Variants in ARB2A observed in about 807,000 individuals in gnomAD.
The protein encoded by ARB2A is cotranscriptional regulator ARB2A.
At chr5:93,671,973 T>C in the ARB2A span, among the ~76,000 whole-genome samples, 1 of 152,154 alleles carries the variant, frequency 6.6e-6, no homozygotes. Context: ...TCTAAGGAGA[T>C]AGTAACTTTG....
At chr5:93,641,033 C>A in the ARB2A span, among the ~76,000 whole-genome samples, 1 of 151,868 alleles carries the variant, frequency 6.6e-6, no homozygotes, top group Admixed American at 6.6e-5. Context: ...AACCCCATCT[C>A]TACTAAAAAT....
chr5:94,049,092 A>C, the ARB2A span, among the ~76,000 whole-genome samples: 1 of 152,228 alleles, frequency 6.6e-6, no homozygotes, highest in Non-Finnish European at 1.5e-5. Flanking sequence ...AAAGTAATGT[A>C]GCTATCTAGT....
the ARB2A span, among the ~76,000 whole-genome samples, chr5:94,069,465 G>A: frequency 1.3e-5 from 2 of 152,082 alleles, no homozygotes; most frequent in Non-Finnish European, 2.9e-5. Flanking sequence ...CTCCTACACA[G>A]CAAAGAAAAC....
At chr5:93,635,459 G>GTTTTTTTTTTTTTTTTTTTTTTTTTT in the ARB2A span, among the ~76,000 whole-genome samples, 13 of 128,916 alleles carry the variant, frequency 1.0e-4, no homozygotes, top group African/African-American at 4.1e-4. Context: ...TTATACGAAA[G>GTTTTTTTTTTTTTTTTTTTTTTTTTT]TTTTTTTTTT....
At chr5:93,762,335 C>T in the ARB2A span, among the ~76,000 whole-genome samples, 1 of 152,126 alleles carries the variant, frequency 6.6e-6, no homozygotes. Flanking sequence ...ACTAGAATAA[C>T]CAATGCAGAG....
chr5:93,635,459 G>GTTTTTTTTTTTTTTTTTTT, the ARB2A span, among the ~76,000 whole-genome samples: 49 of 128,910 alleles, frequency 3.8e-4, 3 homozygotes, highest in African/African-American at 1.5e-3. Context: ...TTATACGAAA[G>GTTTTTTTTTTTTTTTTTTT]TTTTTTTTTT....
At chr5:94,024,360 C>T in the ARB2A span, among the ~76,000 whole-genome samples, 2 of 152,176 alleles carry the variant, frequency 1.3e-5, no homozygotes, top group Non-Finnish European at 2.9e-5. Context: ...TCCTGAGTCT[C>T]CAGCCTGCTG....
At chr5:93,928,670 C>T in the ARB2A span, among the ~76,000 whole-genome samples, 1 of 152,060 alleles carries the variant, frequency 6.6e-6, no homozygotes, top group Non-Finnish European at 1.5e-5. Context: ...TAAATTAGAT[C>T]GTAAGAGTTA....
At chr5:94,089,601 AC>A in the ARB2A span, among the ~76,000 whole-genome samples, 2 of 120,998 alleles carry the variant, frequency 1.7e-5, no homozygotes, top group African/African-American at 2.9e-5. Flanking sequence ...TTATACACAC[AC>A]ACACACACAC....
the ARB2A span, among the ~76,000 whole-genome samples, chr5:93,771,946 C>T: frequency 2.6e-5 from 4 of 152,146 alleles, no homozygotes; most frequent in East Asian, 1.9e-4. Flanking sequence ...CCCAGCCATC[C>T]CATTACTGGG....
the ARB2A span, among the ~76,000 whole-genome samples, chr5:93,979,196 A>G: frequency 6.6e-6 from 1 of 152,288 alleles, no homozygotes; most frequent in African/African-American, 2.4e-5. Flanking sequence ...TACTCATTTC[A>G]TCTCTAAACA....
chr5:93,832,329 T>C, the ARB2A span, among the ~76,000 whole-genome samples: 1 of 152,126 alleles, frequency 6.6e-6, no homozygotes, highest in Non-Finnish European at 1.5e-5. Flanking sequence ...GCTTTCAGGA[T>C]TCCATCCCAT....
chr5:93,992,552 G>GAGT, the ARB2A span, among the ~76,000 whole-genome samples: 1 of 151,942 alleles, frequency 6.6e-6, no homozygotes, highest in Admixed American at 6.6e-5. Context: ...TCTTTCTTAT[G>GAGT]AGTAACATGA....
At chr5:94,005,032 AGG>A in the ARB2A span, among the ~76,000 whole-genome samples, 6 of 83,744 alleles carry the variant, frequency 7.2e-5, no homozygotes, top group Admixed American at 1.6e-4. Context: ...AAAAAGAGAG[AGG>A]ACACAAAAAT....
the ARB2A span, among the ~76,000 whole-genome samples, chr5:94,088,105 G>A: frequency 6.6e-5 from 10 of 152,224 alleles, no homozygotes; most frequent in Non-Finnish European, 1.5e-4. Context: ...TAGTGAGAAA[G>A]TTGGAGGTTC....
At chr5:93,748,532 G>C in the ARB2A span, among the ~76,000 whole-genome samples, 6 of 151,998 alleles carry the variant, frequency 3.9e-5, no homozygotes, top group African/African-American at 1.2e-4. Flanking sequence ...GAAAAGCAAT[G>C]AACAGTTTCC....
At chr5:93,973,101 A>T in the ARB2A span, among the ~76,000 whole-genome samples, 2 of 147,626 alleles carry the variant, frequency 1.4e-5, no homozygotes, top group African/African-American at 5.0e-5. Context: ...GGTGCATGTC[A>T]CCATGCCCAG....
chr5:93,761,553 G>C, the ARB2A span, among the ~76,000 whole-genome samples: 1 of 152,236 alleles, frequency 6.6e-6, no homozygotes, highest in South Asian at 2.1e-4. Context: ...AAACAAAGCA[G>C]CTGGGAAGCT....
chr5:93,819,003 C>T, the ARB2A span, among the ~76,000 whole-genome samples: 234 of 151,500 alleles, frequency 1.5e-3, 1 homozygote, highest in African/African-American at 5.3e-3. Flanking sequence ...CTGGCTAACA[C>T]GGTGAAACCC....
Sources: gnomAD v4.1 joint callset for allele counts (sites outside exome capture counted in the v4.1 genomes callset) on GRCh38, gnomAD v4.1.1 for gene constraint, MANE v1.5 for transcripts, NCBI Gene and HGNC (gene_info 2026-07-23, HGNC 2026-07-21) for gene names.